The following PRKCZ variants were observed in gnomAD, a reference collection of about 807,000 sequenced individuals.
PRKCZ encodes the protein protein kinase C zeta, also known as protein kinase C zeta type.
PRKCZ carries 33 observed loss-of-function variants against 79.5 expected under a neutral mutation model. That is an observed-to-expected ratio of 0.41 (90% CI 0.31 to 0.55). The LOEUF (loss-of-function observed/expected upper bound fraction) is 0.55. Ranked by LOEUF, PRKCZ falls within the 20% of genes least tolerant of loss-of-function variation. The pLI is 0.19. For missense variants in PRKCZ, 578 were observed against 813.5 expected (o/e 0.71, Z 3.52); for synonymous variants, 342 against 320.9 (o/e 1.07, Z -0.70).
chr1:2,159,893 C>G (rs1469358423), intron 10 of PRKCZ, among the ~76,000 whole-genome samples: 1 of 152,188 alleles, frequency 6.6e-6, no homozygotes, highest in African/African-American at 2.4e-5. Flanking sequence ...AACCAGGTAA[C>G]TAGAGATTTA....
chr1:2,181,023 C>G (rs1251290928), intron 16 of PRKCZ, among the ~76,000 whole-genome samples: 1 of 152,168 alleles, frequency 6.6e-6, no homozygotes. Flanking sequence ...CTCGTCCATT[C>G]TGTGCCTGAC....
chr1:2,121,634 A>AGGGTCGTG (rs1557612536), intron 4 of PRKCZ, among the ~76,000 whole-genome samples: 8 of 12,700 alleles, frequency 6.3e-4, no homozygotes, highest in African/African-American at 1.9e-3. Flanking sequence ...TTAGGGTCAC[A>AGGGTCGTG]GTGGTAGTTA....
Position 2,127,688 on chromosome 1 carries a change from G to A in PRKCZ, c.335-7574G>A, listed in dbSNP as rs1024917347. On this transcript the variant is annotated intron_variant, in intron 4 of 17. Transcript: ENST00000378567. The surrounding 1 kb of genome is among the most constrained non-coding windows in gnomAD (Gnocchi z 5.1). ...CACACCAGGCAAATAGGCGAACGGCGTCTCCCGCGGCTCCCGGTGGCTTTT... is the reference window on the plus strand; with the variant it reads ...CACACCAGGCAAATAGGCGAACGGCATCTCCCGCGGCTCCCGGTGGCTTTT... 1.4e-4 allele frequency among the ~76,000 whole-genome samples: 21 copies of A among 152,348 alleles called. No homozygotes were observed. The highest frequency in any genetic ancestry group is 4.6e-4 in the African/African-American group (19 of 41,580).
chr1:2,179,265 G>A (rs539371284), intron 16 of PRKCZ, among the ~76,000 whole-genome samples: 5 of 152,318 alleles, frequency 3.3e-5, no homozygotes, highest in South Asian at 2.1e-4. Context: ...AGCAAAGGCC[G>A]TGGGGAAGTT....
intron 4 of PRKCZ, among the ~76,000 whole-genome samples, chr1:2,065,367 A>G (rs1398256383): frequency 6.6e-6 from 1 of 152,108 alleles, no homozygotes; most frequent in African/African-American, 2.4e-5. Flanking sequence ...CTAGAATTCC[A>G]CTACTCTGTT....
In PRKCZ at chr1:2,174,551, C is replaced by CA. The variant is rs1557740964; in HGVS notation, c.1406-202dup. On this transcript the variant is annotated intron_variant, in intron 14 of 17. Coordinates refer to ENST00000378567, the MANE Select transcript of PRKCZ (RefSeq NM_002744.6). This position sits in a 1 kb window ranked among gnomAD's most constrained non-coding sequence, Gnocchi z 6.2. ...TGCTGGTTCACGTCCGATCCTACGACACGTGCCAGCGCATGTAACCAGGAG... is the reference window on the plus strand; with the variant it reads ...TGCTGGTTCACGTCCGATCCTACGACAACGTGCCAGCGCATGTAACCAGGAG... Among the ~76,000 whole-genome samples, 1 of 152,260 alleles carries CA rather than the reference C, an allele frequency of 6.6e-6. No individual in the cohort carries two copies. The highest frequency in any genetic ancestry group is 1.5e-5 in the Non-Finnish European group (1 of 68,038).
chr1:2,078,835 T>C (rs1662922172), intron 4 of PRKCZ, among the ~76,000 whole-genome samples: 1 of 151,272 alleles, frequency 6.6e-6, no homozygotes, highest in African/African-American at 2.4e-5. Context: ...CTTTTTTCTC[T>C]GAAGGTGGCT....
intron 4 of PRKCZ, chr1:2,074,201 AAAAT>A (rs1364667431): frequency 6.5e-7 from 1 of 1,550,256 alleles, no homozygotes; most frequent in South Asian, 1.2e-5. Context: ...GATTTTTAGA[AAAAT>A]AAGGCTGTGG....
intron 10 of PRKCZ, among the ~76,000 whole-genome samples, chr1:2,160,844 C>T (rs12094159): frequency 0.098 from 14,855 of 152,008 alleles, 780 homozygotes; most frequent in Middle Eastern, 0.12. Flanking sequence ...GGGATGGAGA[C>T]GCCCCGCCCC....
chr1:2,049,010 A>G (rs910539676), upstream of PRKCZ, among the ~76,000 whole-genome samples: 3 of 152,152 alleles, frequency 2.0e-5, no homozygotes, highest in Admixed American at 6.5e-5. Flanking sequence ...TACTAAAAAT[A>G]CAAAAATCAG....
rs905265882 is a variant in PRKCZ, at chr1:2,169,370, C to T, written c.975-148C>T. ...CGTCCCCACCAGCCCCTCTCTGCTG[C>T]CAGGGTGCTCCTGCTGCTCTTTGCT... is the stretch of plus-strand genomic sequence containing the variant. On this transcript the variant is annotated intron_variant, in intron 10 of 17. Transcript: ENST00000378567. 9.6e-6 allele frequency: 7 copies of T among 727,704 alleles called. No homozygotes were observed. In the African/African-American group the frequency reaches 1.2e-4, roughly 13 times the overall value. The allele number at this position is 727,704 out of a possible 1,614,324, so 45.1% of individuals were successfully genotyped here.
upstream of PRKCZ, among the ~76,000 whole-genome samples, chr1:2,049,017 T>C (rs1346469798): frequency 6.6e-6 from 1 of 151,890 alleles, no homozygotes; most frequent in Non-Finnish European, 1.5e-5. Context: ...AATACAAAAA[T>C]CAGCTGGGCA....
intron 10 of PRKCZ, among the ~76,000 whole-genome samples, chr1:2,164,254 G>C (rs1012815077): frequency 1.3e-5 from 2 of 152,194 alleles, no homozygotes; most frequent in African/African-American, 4.8e-5. Flanking sequence ...ACAGGCCTTG[G>C]GGGTACACAA....
At chr1:2,083,875 C>A (rs1664025718) in intron 4 of PRKCZ, among the ~76,000 whole-genome samples, 1 of 152,216 alleles carries the variant, frequency 6.6e-6, no homozygotes, top group Admixed American at 6.5e-5. Context: ...CCTGCAGTTA[C>A]CTTAAAAATC....
In PRKCZ at chr1:2,185,390, G is replaced by T. The variant is rs1408118416; in HGVS notation, c.*381G>T. On this transcript the variant is annotated 3_prime_UTR_variant, in exon 18 of 18. Coordinates refer to ENST00000378567, the MANE Select transcript of PRKCZ (RefSeq NM_002744.6). ...CTGAGGAATAAAATGTTCCGATGAT[G>T]TGGAAGCTCCTCTGATGCCTTTTTT... 5.6e-6 allele frequency: 4 copies of T among 718,790 alleles called. No individual in the cohort carries two copies. Among genetic ancestry groups the T allele is most frequent in the Non-Finnish European group, 1.0e-5 (4 of 385,172 alleles). 44.5% of individuals were successfully genotyped at this position (718,790 alleles called of 1,614,324 possible).
intron 4 of PRKCZ, among the ~76,000 whole-genome samples, chr1:2,134,336 C>T (rs183213800): frequency 6.6e-6 from 1 of 152,348 alleles, no homozygotes; most frequent in East Asian, 1.9e-4. Flanking sequence ...ACAATTTCCA[C>T]TTCAGTATAT....
At chr1:2,180,402 T>C (rs533276391) in intron 16 of PRKCZ, among the ~76,000 whole-genome samples, 16 of 145,636 alleles carry the variant, frequency 1.1e-4, no homozygotes, top group Non-Finnish European at 1.5e-4. Flanking sequence ...GCACAGACGA[T>C]GTGGATGCAC....
chr1:2,068,835 G>A (rs945734674), intron 4 of PRKCZ, among the ~76,000 whole-genome samples: 7 of 152,194 alleles, frequency 4.6e-5, no homozygotes, highest in African/African-American at 1.7e-4. Flanking sequence ...GTGCTGGGCC[G>A]GCGCCTGGCA....
chr1:2,102,100 G>GGA (rs576439949), intron 4 of PRKCZ, among the ~76,000 whole-genome samples: 205 of 152,216 alleles, frequency 1.3e-3, no homozygotes, highest in Admixed American at 3.3e-3. Flanking sequence ...AGTAGCAGGT[G>GGA]GAGAAGGTGA....
Sources: allele counts gnomAD v4.1 joint callset (sites outside exome capture counted in the v4.1 genomes callset), GRCh38; gene constraint gnomAD v4.1.1; non-coding constraint Gnocchi (gnomAD v3.1); transcripts MANE v1.5; gene names NCBI Gene and HGNC (gene_info 2026-07-23, HGNC 2026-07-21).